The following STIM2 variants were observed in gnomAD, a reference collection of about 807,000 sequenced individuals.
The protein encoded by STIM2 is stromal interaction molecule 2.
STIM2 carries 31 observed loss-of-function variants against 85.8 expected under a neutral mutation model. That is an observed-to-expected ratio of 0.36 (90% CI 0.27 to 0.49). The LOEUF (loss-of-function observed/expected upper bound fraction) is 0.49. Among genes scored for constraint, STIM2 ranks in the 20% least tolerant of loss-of-function variants. STIM2 has a pLI of 0.98. For missense variants in STIM2, 841 were observed against 927.6 expected (o/e 0.91, Z 1.21); for synonymous variants, 356 against 331.1 (o/e 1.08, Z -0.82).
chr4:26,946,698 A>G (rs975526457), intron 2 of STIM2, among the ~76,000 whole-genome samples: 3 of 152,216 alleles, frequency 2.0e-5, no homozygotes. Flanking sequence ...CAAATTTTGA[A>G]TGGCTTTATA....
chr4:26,873,110 G>A (rs1017761488), intron 1 of STIM2, among the ~76,000 whole-genome samples: 6 of 152,118 alleles, frequency 3.9e-5, no homozygotes, highest in African/African-American at 1.2e-4. Context: ...TTAATTCAGA[G>A]GGTAACAGGC....
At chr4:26,999,621 T>G (rs982861776) in intron 5 of STIM2, among the ~76,000 whole-genome samples, 5 of 150,672 alleles carry the variant, frequency 3.3e-5, no homozygotes, top group African/African-American at 1.3e-4. Context: ...TTTAAAACTT[T>G]GGATCTTTGG....
At chr4:26,869,716 T>G (rs1722541889) in intron 1 of STIM2, among the ~76,000 whole-genome samples, 1 of 151,610 alleles carries the variant, frequency 6.6e-6, no homozygotes, top group Non-Finnish European at 1.5e-5. Context: ...ACCTGAAAAT[T>G]GCCTGAGAGT....
chr4:26,903,871 G>T (rs186045238), intron 1 of STIM2, among the ~76,000 whole-genome samples: 206 of 152,052 alleles, frequency 1.4e-3, no homozygotes, highest in African/African-American at 4.7e-3. Flanking sequence ...CCAAGTTATT[G>T]AGAGATAATT....
chr4:26,972,914 C>T (rs1014122523), intron 3 of STIM2, among the ~76,000 whole-genome samples: 19 of 152,188 alleles, frequency 1.2e-4, no homozygotes, highest in African/African-American at 4.6e-4. Context: ...GCCTCAATTT[C>T]AGAGCCTGTT....
chr4:26,886,411 A>C (rs1379750652), intron 1 of STIM2, among the ~76,000 whole-genome samples: 1 of 152,226 alleles, frequency 6.6e-6, no homozygotes, highest in East Asian at 1.9e-4. Context: ...TGATAAATGC[A>C]ATGAAGGAAA....
At chr4:26,952,470 T>C (rs1299579434) in intron 2 of STIM2, among the ~76,000 whole-genome samples, 3 of 152,134 alleles carry the variant, frequency 2.0e-5, no homozygotes, top group Middle Eastern at 3.2e-3. Flanking sequence ...TAGTTGACAT[T>C]GAGTGTCGAC....
At position 27,007,845 on chromosome 4, in the gene STIM2, ACT is replaced by A. The variant is rs201315172; in HGVS notation, c.1149+148_1149+149del. The A allele has an allele frequency of 2.2e-3, 1,875 of 853,052 alleles. 45 individuals carry two copies. In the Admixed American group the frequency reaches 0.05, roughly 23 times the overall value. 52.8% of individuals were successfully genotyped at this position (853,052 alleles called of 1,614,324 possible). A position where few individuals can be genotyped will look rare whatever the true frequency, so the allele number is the denominator to read the frequency against. On this transcript the variant is annotated intron_variant, in intron 8 of 11. Coordinates refer to ENST00000467087, the MANE Select transcript of STIM2 (RefSeq NM_020860.4). ...AAACTGGAACTTATTGTGTAAATAG[ACT>A]CTAGTAATCATAAGCTTTAAATTAA...
chr4:26,908,134 T>G (rs538113222), intron 1 of STIM2, among the ~76,000 whole-genome samples: 1 of 152,212 alleles, frequency 6.6e-6, no homozygotes, highest in Non-Finnish European at 1.5e-5. Flanking sequence ...GAACATTTCC[T>G]TTTTGAAAGT....
intron 3 of STIM2, among the ~76,000 whole-genome samples, chr4:26,962,226 A>G (rs1726501484): frequency 6.6e-6 from 1 of 152,226 alleles, no homozygotes. Flanking sequence ...TGTGTGACAT[A>G]AATCAGTAAT....
intron 1 of STIM2, among the ~76,000 whole-genome samples, chr4:26,898,687 A>G (rs370142975): frequency 1.4e-4 from 22 of 152,308 alleles, no homozygotes; most frequent in Admixed American, 9.2e-4. Context: ...TTATGTATCA[A>G]TTTTTAGATT....
intron 5 of STIM2, among the ~76,000 whole-genome samples, chr4:26,999,650 G>A (rs1289648264): frequency 6.6e-6 from 1 of 152,100 alleles, no homozygotes; most frequent in Non-Finnish European, 1.5e-5. Context: ...TAATGTTGAT[G>A]TTACTATAAT....
intron 1 of STIM2, among the ~76,000 whole-genome samples, chr4:26,888,830 C>T (rs564546153): frequency 1.3e-5 from 2 of 152,306 alleles, no homozygotes; most frequent in African/African-American, 2.4e-5. Flanking sequence ...CAAGATCTCT[C>T]GTATTCTGGA....
At chr4:26,961,592 A>G (rs1467105819) in intron 3 of STIM2, among the ~76,000 whole-genome samples, 1 of 152,164 alleles carries the variant, frequency 6.6e-6, no homozygotes, top group African/African-American at 2.4e-5. Context: ...AAAACAAATA[A>G]TTACACTATA....
chr4:26,931,445 A>C (rs1560210970), intron 2 of STIM2, among the ~76,000 whole-genome samples: 1 of 152,200 alleles, frequency 6.6e-6, no homozygotes, highest in East Asian at 1.9e-4. Flanking sequence ...AGAAATATAG[A>C]GTATAAAAGC....
At chr4:26,879,980 A>G (rs765061752) in intron 1 of STIM2, among the ~76,000 whole-genome samples, 19 of 152,244 alleles carry the variant, frequency 1.2e-4, no homozygotes, top group Non-Finnish European at 2.2e-4. Flanking sequence ...GTACCTTCCT[A>G]ACTTCTTGTT....
intron 1 of STIM2, among the ~76,000 whole-genome samples, chr4:26,901,468 A>G (rs1271101716): frequency 2.0e-5 from 3 of 152,104 alleles, no homozygotes; most frequent in Admixed American, 6.5e-5. Context: ...TTTTCCTTGG[A>G]AAATCAGAAC....
rs180854704 is a variant in STIM2, at chr4:26,995,536, T to C, written c.509+46T>C. 4.7e-6 allele frequency: 6 copies of C among 1,264,240 alleles called. No individual in the cohort carries two copies. The East Asian group carries it at 1.0e-4, about 21-fold the overall frequency. The allele number at this position is 1,264,240 out of a possible 1,614,324, so 78.3% of individuals were successfully genotyped here. On this transcript the variant is annotated intron_variant, in intron 4 of 11. Coordinates refer to ENST00000467087, the MANE Select transcript of STIM2 (RefSeq NM_020860.4). ...TGTATTTTCCACTCAGGGAGAATTA[T>C]ATGCTAGATGTCATTTCCCCATACT...
chr4:26,891,253 T>G (rs959349343), intron 1 of STIM2, among the ~76,000 whole-genome samples: 1 of 152,182 alleles, frequency 6.6e-6, no homozygotes, highest in Non-Finnish European at 1.5e-5. Flanking sequence ...CTTGATGATA[T>G]GAGTGGGCCT....
Sources: gnomAD v4.1 joint callset for allele counts (sites outside exome capture counted in the v4.1 genomes callset) on GRCh38, gnomAD v4.1.1 for gene constraint, MANE v1.5 for transcripts, NCBI Gene and HGNC (gene_info 2026-07-23, HGNC 2026-07-21) for gene names.